DNAH1: variants seen among roughly 807,000 people sequenced by gnomAD.
DNAH1 encodes the protein axonemal beta dynein heavy chain 1.
Under a neutral mutation model 484.3 loss-of-function variants are expected in DNAH1, and 327 were observed. The ratio of observed to expected loss-of-function variants is 0.68; its 90% CI spans 0.62 to 0.74. The LOEUF is 0.74. Ranked by LOEUF, DNAH1 falls within the 30% of genes least tolerant of loss-of-function variation. DNAH1 has a pLI of 0.00. For synonymous variants in DNAH1, 2,192 were observed against 2,191.9 expected (o/e 1.00, Z 0.00); for missense variants, 5,052 against 5,546.8 (o/e 0.91, Z 2.83).
intron 77 of DNAH1, among the ~76,000 whole-genome samples, chr3:52,400,002 T>C (rs1348794553): frequency 2.0e-5 from 3 of 152,214 alleles, no homozygotes; most frequent in Non-Finnish European, 1.5e-5. Flanking sequence ...CAGGCCCACC[T>C]TGGGCCCCAA....
At chr3:52,360,517 G>A (rs1702810844) in intron 28 of DNAH1, 93 bp downstream of exon 28, 10 of 1,050,934 alleles carry the variant, frequency 9.5e-6, no homozygotes, top group Non-Finnish European at 1.4e-5. Flanking sequence ...ACTCTGGGGT[G>A]ATCTAGTCCA....
chr3:52,362,882 C>A lies in DNAH1; in HGVS notation c.5095-113C>A. On this transcript the variant is annotated intron_variant, in intron 31 of 77. Transcript: ENST00000420323. This position sits in a 1 kb window ranked among gnomAD's most constrained non-coding sequence, Gnocchi z 5.1. ...AGGGGAGTGAAAGCCTCAGCTGTGG[C>A]AGGCTTGGTGCAGCAGGGAGTCCCA... 1 of 1,444,340 alleles carries A rather than the reference C, an allele frequency of 6.9e-7. No individual in the cohort carries two copies. Among genetic ancestry groups the A allele is most frequent in the Non-Finnish European group, 9.5e-7 (1 of 1,049,818 alleles). 89.5% of individuals were successfully genotyped at this position (1,444,340 alleles called of 1,614,324 possible).
At chr3:52,389,843 G>A (rs1704292906) in intron 60 of DNAH1, among the ~76,000 whole-genome samples, 1 of 152,250 alleles carries the variant, frequency 6.6e-6, no homozygotes, top group African/African-American at 2.4e-5. Context: ...CAGGCGTGGT[G>A]GCTCACGCCT....
chr3:52,375,776 T>TA (rs1403374591), intron 45 of DNAH1, among the ~76,000 whole-genome samples, 179 bp from the exon 46 acceptor site: 1 of 152,310 alleles, frequency 6.6e-6, no homozygotes, highest in East Asian at 1.9e-4. Context: ...GAAGGCATGT[T>TA]ACTTTTGTAA....
chr3:52,322,664 G>A lies in DNAH1; in HGVS notation c.222G>A (p.Leu74=). 6.2e-7 allele frequency: 1 copy of A among 1,613,842 alleles called. No individual in the cohort carries two copies. The highest frequency in any genetic ancestry group is 8.5e-7 in the Non-Finnish European group (1 of 1,179,868). The change falls in exon 2 of 78, where the codon TTG becomes TTA. Residue 74 remains leucine (L), a synonymous_variant. Coordinates refer to ENST00000420323, the MANE Select transcript of DNAH1 (RefSeq NM_015512.5). The part of the protein sequence containing the change: ...LPPAPPTLSD[L]GQPRKSPLTG... The stretch of plus-strand genomic sequence containing the variant: ...CGGCCCCACCCACACTCTCAGACTT[G>A]GGGCAGCCACGGAAGTCACCCCTGA...
Position 52,322,420 on chromosome 3 carries a change from G to C in DNAH1, c.-23G>C, listed in dbSNP as rs1243899576. 1 of 1,590,460 alleles carries C rather than the reference G, an allele frequency of 6.3e-7. No individual in the cohort carries two copies. The highest frequency in any genetic ancestry group is 1.4e-5 in the African/African-American group (1 of 73,348). ...GGTTCTTCTCCTAGGAGCTTCGGCT[G>C]GGGCATCTCCCTGAGAAGCAGCATG... On this transcript the variant is annotated 5_prime_UTR_variant, in exon 2 of 78. Transcript: ENST00000420323.
chr3:52,366,673 C>G lies in DNAH1; in HGVS notation c.5611-60C>G, dbSNP rs928348588. Reference sequence around the variant, plus strand: ...GAATACCCCTCCCCCTCCCCTTGGCCCCCAGCCCACTCTAGCCCTGCTCTC... The same window carrying G: ...GAATACCCCTCCCCCTCCCCTTGGCGCCCAGCCCACTCTAGCCCTGCTCTC... On this transcript the variant is annotated intron_variant, in intron 35 of 77. Transcript: ENST00000420323. 5.1e-6 allele frequency: 8 copies of G among 1,578,646 alleles called. No individual in the cohort carries two copies. The East Asian group carries it at 1.8e-4, about 36-fold the overall frequency.
chr3:52,396,888 G>A lies in DNAH1; in HGVS notation c.11631G>A (p.Gly3877=). 6.2e-7 allele frequency: 1 copy of A among 1,613,440 alleles called. No individual in the cohort carries two copies. The highest frequency in any genetic ancestry group is 2.2e-5 in the East Asian group (1 of 44,864). Residue 3877 remains glycine, a synonymous_variant, in exon 73 of 78, where the codon GGG becomes GGA. Coordinates refer to ENST00000420323, the MANE Select transcript of DNAH1 (RefSeq NM_015512.5). ...CATAGGTCCTCAAGTACACGGCAGG[G>A]GAGATCAATTACGGGGGCCGTGTCA... The part of the protein sequence containing the change: ...IPYKVLKYTA[G]EINYGGRVTD...
Position 52,327,870 on chromosome 3 carries a change from G to A in DNAH1, c.739-12G>A. 6.2e-7 allele frequency: 1 copy of A among 1,612,432 alleles called. No individual in the cohort carries two copies. Among genetic ancestry groups the A allele is most frequent in the Non-Finnish European group, 8.5e-7 (1 of 1,178,548 alleles). The stretch of plus-strand genomic sequence containing the variant: ...AGCTGCTTCTTCCCAATGTTGGCCT[G>A]CTTTCTTCCAGGTATTTGACAATGA... On this transcript the variant is annotated splice_polypyrimidine_tract_variant and intron_variant, in intron 5 of 77. Coordinates refer to ENST00000420323, the MANE Select transcript of DNAH1 (RefSeq NM_015512.5).
At chr3:52,382,262 C>T (rs1703882719) in intron 49 of DNAH1, 58 bp from the exon 50 acceptor site, 4 of 1,613,148 alleles carry the variant, frequency 2.5e-6, no homozygotes, top group Non-Finnish European at 2.5e-6. Context: ...TCACCCACCA[C>T]CCTTCAGCGT....
chr3:52,359,269 G>C lies in DNAH1; in HGVS notation c.4290G>C (p.Leu1430=). Residue 1430 remains leucine (L), a synonymous_variant, in exon 26 of 78, where the codon CTG becomes CTC. Coordinates refer to ENST00000420323, the MANE Select transcript of DNAH1 (RefSeq NM_015512.5). ...AGATGCCCAGGACCCAGTGGGTTCTGAACTGGCCTGGCCAGGTGACCATCG... is the reference window on the plus strand; with the variant it reads ...AGATGCCCAGGACCCAGTGGGTTCTCAACTGGCCTGGCCAGGTGACCATCG... ...YPTMPRTQWV[L]NWPGQVTIAG... is the part of the protein sequence containing the mutation. The C allele has an allele frequency of 6.4e-7, 1 of 1,568,318 alleles. No individual in the cohort carries two copies. The highest frequency in any genetic ancestry group is 2.4e-5 in the East Asian group (1 of 42,236).
rs747208175 is a variant in DNAH1, at chr3:52,352,544, G to T, written c.2872-8G>T. The T allele has an allele frequency of 6.2e-7, 1 of 1,606,522 alleles. No individual in the cohort carries two copies. Among genetic ancestry groups the T allele is most frequent in the Admixed American group, 1.7e-5 (1 of 59,808 alleles). ...GGGGCATCTGACCCATTGCTCCTTG[G>T]CCTGCAGCTGGTAGTAGCTGGCTTC... On this transcript the variant is annotated splice_region_variant and splice_polypyrimidine_tract_variant and intron_variant, in intron 17 of 77. Coordinates refer to ENST00000420323, the MANE Select transcript of DNAH1 (RefSeq NM_015512.5).
rs911209096 is a variant in DNAH1, at chr3:52,372,178, C to T, written c.6667-49C>T. 14 of 1,611,370 alleles carry T rather than the reference C, an allele frequency of 8.7e-6. No homozygotes were observed. In the African/African-American group the frequency reaches 1.6e-4, roughly 18 times the overall value. On this transcript the variant is annotated intron_variant, in intron 42 of 77. Coordinates refer to ENST00000420323, the MANE Select transcript of DNAH1 (RefSeq NM_015512.5). ...CACATGGATGCAGGGGCAGCTCCTCCTGTGCACCAGGCCCACCGCATGCTC... is the reference window on the plus strand; with the variant it reads ...CACATGGATGCAGGGGCAGCTCCTCTTGTGCACCAGGCCCACCGCATGCTC...
Position 52,379,383 on chromosome 3 carries a change from G to A in DNAH1, c.7378-522G>A, listed in dbSNP as rs1247129940. On this transcript the variant is annotated intron_variant, in intron 47 of 77. Transcript: ENST00000420323. The surrounding 1 kb of genome is among the most constrained non-coding windows in gnomAD (Gnocchi z 4.4). Reference sequence around the variant, plus strand: ...GTAGCCAACAAAGTCTACAGAAAAGGCTGGGAGCTTCCGGAGGGCAGTCCT... The same window carrying A: ...GTAGCCAACAAAGTCTACAGAAAAGACTGGGAGCTTCCGGAGGGCAGTCCT... 6.6e-6 allele frequency among the ~76,000 whole-genome samples: 1 copy of A among 152,164 alleles called. No individual in the cohort carries two copies. The highest frequency in any genetic ancestry group is 1.9e-4 in the East Asian group (1 of 5,202).
intron 7 of DNAH1, among the ~76,000 whole-genome samples, chr3:52,331,878 G>A (rs1258931127): frequency 3.9e-5 from 6 of 152,060 alleles, no homozygotes; most frequent in Non-Finnish European, 8.8e-5. Context: ...TCCCTCCTTG[G>A]CCTCCCAAAG....
In DNAH1 at chr3:52,350,513, G is replaced by A. The variant is rs776836553; in HGVS notation, c.2652G>A (p.Arg884=). ...ATTACCACCTGTCTGTGCAGGAGCG[G>A]ATTGTGAAGGTCATGGATGACTACC... ...IPERLVGLEE[R]IVKVMDDYQV... The change falls in exon 16 of 78, where the codon CGG becomes CGA. Residue 884 remains arginine, a synonymous_variant. Transcript: ENST00000420323. The A allele has an allele frequency of 1.2e-5, 19 of 1,613,894 alleles. No individual in the cohort carries two copies. The highest frequency in any genetic ancestry group is 1.5e-5 in the Non-Finnish European group (18 of 1,179,828).
At chr3:52,344,305 A>T (rs1251957693) in intron 8 of DNAH1, among the ~76,000 whole-genome samples, 185 bp from the exon 9 acceptor site, 1 of 152,122 alleles carries the variant, frequency 6.6e-6, no homozygotes, top group Admixed American at 6.5e-5. Context: ...GACAAGGGGG[A>T]AAGAAGCAGA....
intron 65 of DNAH1, 103 bp downstream of exon 65, chr3:52,393,128 A>T (rs1704470282): frequency 6.8e-7 from 1 of 1,466,392 alleles, no homozygotes; most frequent in Admixed American, 1.8e-5. Flanking sequence ...TCACTGGCGT[A>T]CACTCTCCTC....
rs1039248425 is a variant in DNAH1 at position 52,331,206 on chromosome 3, C to A, written c.930C>A (p.Tyr310Ter). 6.2e-7 allele frequency: 1 copy of A among 1,608,450 alleles called. No homozygotes were observed. The highest frequency in any genetic ancestry group is 1.3e-5 in the African/African-American group (1 of 74,852). ...GGTGCGAGGTCGGCGTCCTGGACTA[C>A]GACGAGGAGAAGAAGCTATACCTGG... ...YKWCEVGVLDYDEEKKLYLVH... is the reference protein window; with the variant it reads ...YKWCEVGVLD Residue 310 changes from tyrosine (Y) to a stop codon, truncating the protein, a stop_gained, in exon 7 of 78, where the codon TAC (tyrosine) becomes TAA (stop). Transcript: ENST00000420323. LOFTEE classifies it high-confidence loss of function.
Sources: allele counts gnomAD v4.1 joint callset (sites outside exome capture counted in the v4.1 genomes callset), GRCh38; gene constraint gnomAD v4.1.1; non-coding constraint Gnocchi (gnomAD v3.1); transcripts MANE v1.5; gene names NCBI Gene and HGNC (gene_info 2026-07-23, HGNC 2026-07-21).